The following CGGBP1 variants were observed in gnomAD, a reference collection of about 807,000 sequenced individuals.
CGGBP1 encodes CGG triplet repeat binding protein 1, also known as CGG triplet repeat-binding protein 1.
A neutral mutation model predicts 11.4 loss-of-function variants in CGGBP1; 4 were observed. That is an observed-to-expected ratio of 0.35 (90% CI 0.17 to 0.80). The LOEUF (loss-of-function observed/expected upper bound fraction) is 0.80, where lower values mean the gene tolerates loss of function less well. Among genes scored for constraint, CGGBP1 ranks in the 30% least tolerant of loss-of-function variants. CGGBP1 has a pLI of 0.52. For missense variants in CGGBP1, 135 were observed against 202.1 expected (o/e 0.67, Z 2.01); for synonymous variants, 76 against 74.1 (o/e 1.03, Z -0.13).
At chr3:88,070,902 G>A (rs1707474503) in intron 2 of CGGBP1, among the ~76,000 whole-genome samples, 1 of 152,160 alleles carries the variant, frequency 6.6e-6, no homozygotes, top group Non-Finnish European at 1.5e-5. Flanking sequence ...TCTGTGGGCA[G>A]TGCAATGATG....
Position 88,070,535 on chromosome 3 carries a change from C to T in CGGBP1, c.-228-12312G>A, listed in dbSNP as rs143414271. On this transcript the variant is annotated intron_variant, in intron 2 of 3. Coordinates refer to the CGGBP1 transcript ENST00000462901. ...AAAAAAGTTATGAACCTTTGCTATA[C>T]GCCACTGTGGCAAAGGCAACACTGC... Among the ~76,000 whole-genome samples, 360 of 147,786 alleles carry T rather than the reference C, an allele frequency of 2.4e-3. 3 individuals are homozygous for T. The highest frequency in any genetic ancestry group is 2.9e-3 in the African/African-American group (115 of 39,290).
chr3:88,062,137 A>C (rs563361583), upstream of CGGBP1, among the ~76,000 whole-genome samples: 100 of 152,300 alleles, frequency 6.6e-4, no homozygotes, highest in Admixed American at 1.4e-3. Flanking sequence ...TGACTCAATA[A>C]ATGCTTAAAT....
intron 2 of CGGBP1, chr3:88,139,171 CTCT>C: frequency 7.2e-7 from 1 of 1,383,632 alleles, no homozygotes; most frequent in Non-Finnish European, 9.4e-7. Context: ...GGGTTTGACT[CTCT>C]TACAGATCAG....
intron 2 of CGGBP1, among the ~76,000 whole-genome samples, chr3:88,133,053 G>GCTGT (rs1299744705): frequency 1.3e-5 from 2 of 152,138 alleles, no homozygotes; most frequent in East Asian, 3.8e-4. Context: ...AGCCTCTCTT[G>GCTGT]CTGTAGACCA....
intron 2 of CGGBP1, among the ~76,000 whole-genome samples, chr3:88,122,120 A>C (rs1705805035): frequency 3.3e-5 from 5 of 152,150 alleles, no homozygotes; most frequent in Admixed American, 3.3e-4. Context: ...TTTATTATGG[A>C]TTAAGGTAGC....
At chr3:88,060,932 A>T (rs1706842739), upstream of CGGBP1, among the ~76,000 whole-genome samples, 1 of 152,150 alleles carries the variant, frequency 6.6e-6, no homozygotes, top group African/African-American at 2.4e-5. Flanking sequence ...GTTTTCCCCC[A>T]GTGTCATAAA....
chr3:88,125,245 C>A (rs55928667), intron 2 of CGGBP1, among the ~76,000 whole-genome samples: 10,196 of 149,600 alleles, frequency 0.068, 469 homozygotes, highest in Non-Finnish European at 0.1. Context: ...CAAAAAAAAA[C>A]CAATATCTAA....
rs1479012484 is a variant in CGGBP1, at chr3:88,128,886, C to A, written c.-229+12084G>T. 3.9e-6 allele frequency: 6 copies of A among 1,535,458 alleles called. No homozygotes were observed. In the East Asian group the frequency reaches 1.5e-4, roughly 38 times the overall value. ...ATACCTAATTGCTTGTGAACGCATA[C>A]CCGAAGCAATGGCTCTTATTAAATC... On this transcript the variant is annotated intron_variant, in intron 2 of 3. Transcript: ENST00000462901.
intron 2 of CGGBP1, chr3:88,129,725 C>A: frequency 6.6e-7 from 1 of 1,525,326 alleles, no homozygotes; most frequent in Non-Finnish European, 8.8e-7. Flanking sequence ...GAATTGATAT[C>A]ATCTGTAATG....
At chr3:88,138,673 A>G (rs1490411983) in intron 2 of CGGBP1, 2 of 1,205,852 alleles carry the variant, frequency 1.7e-6, no homozygotes, top group Non-Finnish European at 2.1e-6. Flanking sequence ...TTGGAAAAAA[A>G]GTATTTAGCA....
chr3:88,077,584 T>G (rs1257410326), intron 2 of CGGBP1, among the ~76,000 whole-genome samples: 4 of 152,142 alleles, frequency 2.6e-5, no homozygotes, highest in African/African-American at 9.7e-5. Context: ...AATATACCCA[T>G]GAAAAACTTG....
intron 2 of CGGBP1, among the ~76,000 whole-genome samples, chr3:88,106,989 A>C (rs1179090691): frequency 2.6e-5 from 4 of 152,182 alleles, no homozygotes; most frequent in Non-Finnish European, 5.9e-5. Flanking sequence ...GTGTGCCAAC[A>C]CAATGTTGAT....
intron 2 of CGGBP1, among the ~76,000 whole-genome samples, chr3:88,112,308 T>A (rs530026877): frequency 1.3e-5 from 2 of 151,914 alleles, no homozygotes; most frequent in Non-Finnish European, 3.0e-5. Context: ...CAACTTTAGG[T>A]AGTTACACTT....
At chr3:88,125,224 A>G (rs1706025544) in intron 2 of CGGBP1, among the ~76,000 whole-genome samples, 1 of 151,680 alleles carries the variant, frequency 6.6e-6, no homozygotes, top group South Asian at 2.1e-4. Context: ...TCAAAAAAAA[A>G]AACAAAAAAA....
chr3:88,125,244 ACC>A (rs1706028842), intron 2 of CGGBP1, among the ~76,000 whole-genome samples: 1 of 151,788 alleles, frequency 6.6e-6, no homozygotes, highest in Non-Finnish European at 1.5e-5. Context: ...ACAAAAAAAA[ACC>A]AATATCTAAT....
At position 88,055,503 on chromosome 3, in the gene CGGBP1, C is replaced by T; in HGVS notation, c.474G>A (p.Glu158=). The change falls in exon 4 of 4, where the codon GAG becomes GAA. Residue 158 remains glutamate (E), a synonymous_variant. Transcript: ENST00000482016. This position sits in a 1 kb window ranked among gnomAD's most constrained non-coding sequence, Gnocchi z 4.2. ...RAYLPDGYEN[E]NQLLNSQDC ...AATCTTGTGAGTTGAGGAGTTGATT[C>T]TCATTCTCATATCCATCAGGAAGAT... is the stretch of plus-strand genomic sequence containing the variant. The T allele has an allele frequency of 6.5e-7, 1 of 1,530,198 alleles. No individual in the cohort carries two copies. Among genetic ancestry groups the T allele is most frequent in the Admixed American group, 2.1e-5 (1 of 48,478 alleles). The allele number at this position is 1,530,198 out of a possible 1,614,324, so 94.8% of individuals were successfully genotyped here.
At chr3:88,140,018 G>A (rs1707024011) in intron 2 of CGGBP1, 1 of 1,613,668 alleles carries the variant, frequency 6.2e-7, no homozygotes, top group Non-Finnish European at 8.5e-7. Context: ...CAGTAATGAA[G>A]TGGAGCAAAG....
chr3:88,094,289 A>G (rs1426497169), intron 2 of CGGBP1, among the ~76,000 whole-genome samples: 1 of 152,026 alleles, frequency 6.6e-6, no homozygotes. Flanking sequence ...TTAGTATTGC[A>G]TTTGGTCTTA....
chr3:88,140,644 A>C lies in CGGBP1; in HGVS notation c.-229+326T>G, dbSNP rs759835377. ...GAGCAAACACCTTTAGTTTCATCAG[A>C]TCCTGCTTTGAAAATTGATACAAAC... On this transcript the variant is annotated intron_variant, in intron 2 of 3. Coordinates refer to the CGGBP1 transcript ENST00000462901. 1.4e-5 allele frequency: 22 copies of C among 1,613,626 alleles called. No individual in the cohort carries two copies. The Admixed American group carries it at 3.3e-4, about 24-fold the overall frequency.
Sources: gnomAD v4.1 joint callset for allele counts (sites outside exome capture counted in the v4.1 genomes callset) on GRCh38, gnomAD v4.1.1 for gene constraint, Gnocchi (gnomAD v3.1) non-coding constraint, MANE v1.5 for transcripts, NCBI Gene and HGNC (gene_info 2026-07-23, HGNC 2026-07-21) for gene names.